MTNR1A: variants seen among roughly 807,000 people sequenced by gnomAD.
MTNR1A encodes melatonin receptor 1A, also known as melatonin receptor type 1A.
Under a neutral mutation model 5.5 loss-of-function variants are expected in MTNR1A, and 7 were observed. The ratio of observed to expected loss-of-function variants is 1.28; its 90% CI spans 0.73 to 2.40. The LOEUF is 2.40. Among genes scored for constraint, MTNR1A ranks in the 30% most tolerant of loss-of-function variants. MTNR1A has a pLI of 0.00. For missense variants in MTNR1A, 441 were observed against 464.4 expected (o/e 0.95, Z 0.46); for synonymous variants, 196 against 202.7 (o/e 0.97, Z 0.28).
intron 1 of MTNR1A, among the ~76,000 whole-genome samples, chr4:186,536,489 C>T (rs994939184): frequency 6.6e-6 from 1 of 152,164 alleles, no homozygotes; most frequent in Non-Finnish European, 1.5e-5. Flanking sequence ...CAGAAGATTT[C>T]GCCTTCTATT....
At chr4:186,552,253 T>A (rs1490629089) in intron 1 of MTNR1A, among the ~76,000 whole-genome samples, 3 of 152,200 alleles carry the variant, frequency 2.0e-5, no homozygotes, top group Non-Finnish European at 4.4e-5. Flanking sequence ...TGTGTCAATC[T>A]TCCTCCTAAT....
chr4:186,552,097 C>A (rs1247997288), intron 1 of MTNR1A, among the ~76,000 whole-genome samples: 1 of 152,194 alleles, frequency 6.6e-6, no homozygotes, highest in Non-Finnish European at 1.5e-5. Context: ...CACTGTGCTG[C>A]TTTCAGGAGC....
In MTNR1A at chr4:186,546,694, C is replaced by T. The variant is rs182941413; in HGVS notation, c.184+8488G>A. 9.4e-3 allele frequency among the ~76,000 whole-genome samples: 1,390 copies of T among 147,434 alleles called. 51 individuals are homozygous for T. Among genetic ancestry groups the T allele is most frequent in the African/African-American group, 0.035 (1,319 of 37,194 alleles). Reference sequence around the variant, plus strand: ...CCCTGTTCATGCCACCCACACCACACCTGTTCATACAACACACCATCCACA... The same window carrying T: ...CCCTGTTCATGCCACCCACACCACATCTGTTCATACAACACACCATCCACA... On this transcript the variant is annotated intron_variant, in intron 1 of 1. Transcript: ENST00000307161.
At chr4:186,550,744 C>G (rs1226999231) in intron 1 of MTNR1A, among the ~76,000 whole-genome samples, 2 of 152,128 alleles carry the variant, frequency 1.3e-5, no homozygotes, top group African/African-American at 4.8e-5. Context: ...AAAATTCCTG[C>G]CAGAAATACT....
In MTNR1A at chr4:186,533,916, G is replaced by A. The variant is rs1265773554; in HGVS notation, c.826C>T (p.Leu276=). ...ASMVPRIPEW[L]FVASYYMAYF... is the part of the protein sequence containing the mutation. Reference sequence around the variant, plus strand: ...GCCATGTAGTAACTGGCCACAAACAGCCACTCTGGGATCCTAGGCACCATG... The same window carrying A: ...GCCATGTAGTAACTGGCCACAAACAACCACTCTGGGATCCTAGGCACCATG... The change falls in exon 2 of 2, where the codon CTG becomes TTG. Residue 276 remains leucine, a synonymous_variant. Transcript: ENST00000307161. 2 of 1,614,050 alleles carry A rather than the reference G, an allele frequency of 1.2e-6. No individual in the cohort carries two copies. The highest frequency in any genetic ancestry group is 8.5e-7 in the Non-Finnish European group (1 of 1,180,052).
At chr4:186,542,040 C>T (rs1579250252) in intron 1 of MTNR1A, among the ~76,000 whole-genome samples, 1 of 152,214 alleles carries the variant, frequency 6.6e-6, no homozygotes, top group Admixed American at 6.5e-5. Flanking sequence ...AATGGGCTCA[C>T]AAAGTTGTCA....
At chr4:186,537,421 A>G (rs1736884238) in intron 1 of MTNR1A, among the ~76,000 whole-genome samples, 1 of 152,222 alleles carries the variant, frequency 6.6e-6, no homozygotes, top group South Asian at 2.1e-4. Flanking sequence ...TGGACAATCT[A>G]CCCATTTTTA....
intron 1 of MTNR1A, among the ~76,000 whole-genome samples, chr4:186,551,060 C>T (rs1226210531): frequency 6.6e-6 from 1 of 152,226 alleles, no homozygotes; most frequent in Non-Finnish European, 1.5e-5. Context: ...GCAGCGCCAA[C>T]AAGAAACCTC....
At chr4:186,553,226 T>A (rs1043741133) in intron 1 of MTNR1A, among the ~76,000 whole-genome samples, 6 of 152,236 alleles carry the variant, frequency 3.9e-5, no homozygotes, top group Non-Finnish European at 7.3e-5. Context: ...AAACTTATAT[T>A]TGAATCAGCT....
Position 186,534,157 on chromosome 4 carries a change from G to A in MTNR1A, c.585C>T (p.His195=), listed in dbSNP as rs1476137528. 5.0e-6 allele frequency: 8 copies of A among 1,613,464 alleles called. No individual in the cohort carries two copies. The highest frequency in any genetic ancestry group is 2.2e-5 in the East Asian group (1 of 44,882). The change falls in exon 2 of 2, where the codon CAC becomes CAT. Residue 195 remains histidine (H), a synonymous_variant. Transcript: ENST00000307161. ...SAYTIAVVVF[H]FLVPMIIVIF... ...TGACTATGATCATGGGGACGAGGAA[G>A]TGGAAAACCACCACGGCGATGGTGT... is the stretch of plus-strand genomic sequence containing the variant.
intron 1 of MTNR1A, among the ~76,000 whole-genome samples, chr4:186,547,430 A>G (rs1211981768): frequency 2.0e-5 from 3 of 151,386 alleles, no homozygotes; most frequent in Middle Eastern, 3.5e-3. Flanking sequence ...CATGGGACAC[A>G]CTGTCCTCCT....
At chr4:186,535,297 T>A (rs1358286479) in intron 1 of MTNR1A, among the ~76,000 whole-genome samples, 1 of 152,186 alleles carries the variant, frequency 6.6e-6, no homozygotes, top group Non-Finnish European at 1.5e-5. Context: ...AGAAATTCTC[T>A]TAGATCTTAT....
Position 186,534,180 on chromosome 4 carries a change from T to A in MTNR1A, c.562A>T (p.Thr188Ser), listed in dbSNP as rs1348976103. Residue 188 changes from threonine (T) to serine (S), a missense_variant, in exon 2 of 2, where the codon ACC becomes TCC. Physicochemically the swap from Thr to Ser is moderately conservative, Grantham distance 58. Transcript: ENST00000307161. Reference sequence around the variant, plus strand: ...AAGTGGAAAACCACCACGGCGATGGTGTAGGCGGAGCTGACGGACTGGGCG... The same window carrying A: ...AAGTGGAAAACCACCACGGCGATGGAGTAGGCGGAGCTGACGGACTGGGCG... ...TFAQSVSSAY[T>S]IAVVVFHFLV... 5 of 1,613,488 alleles carry A rather than the reference T, an allele frequency of 3.1e-6. No individual in the cohort carries two copies. Among genetic ancestry groups the A allele is most frequent in the Non-Finnish European group, 4.2e-6 (5 of 1,179,582 alleles).
intron 1 of MTNR1A, among the ~76,000 whole-genome samples, chr4:186,553,856 G>T (rs1468317364): frequency 6.6e-6 from 1 of 152,200 alleles, no homozygotes; most frequent in Admixed American, 6.5e-5. Flanking sequence ...CTTCCCAAAT[G>T]CTGCAGGTGT....
intron 1 of MTNR1A, among the ~76,000 whole-genome samples, chr4:186,535,054 C>A (rs537920945): frequency 1.3e-5 from 2 of 152,138 alleles, no homozygotes; most frequent in Admixed American, 1.3e-4. Context: ...TGTCGTCAGC[C>A]GTCTGGATGA....
chr4:186,542,055 A>C (rs1036465633), intron 1 of MTNR1A, among the ~76,000 whole-genome samples: 1 of 152,198 alleles, frequency 6.6e-6, no homozygotes, highest in Non-Finnish European at 1.5e-5. Flanking sequence ...TTGTCATGGC[A>C]GCAAGGATAG....
intron 1 of MTNR1A, among the ~76,000 whole-genome samples, chr4:186,538,895 T>C (rs930822059): frequency 3.3e-5 from 5 of 152,138 alleles, no homozygotes; most frequent in African/African-American, 1.2e-4. Flanking sequence ...ACACTGGTAG[T>C]CACGGCCTGC....
At chr4:186,540,876 TG>T (rs1737006151) in intron 1 of MTNR1A, among the ~76,000 whole-genome samples, 1 of 81,110 alleles carries the variant, frequency 1.2e-5, no homozygotes, top group African/African-American at 4.5e-5. Context: ...GCTGTCTGAC[TG>T]AAGGACCAGG....
chr4:186,538,991 G>A (rs185066960), intron 1 of MTNR1A, among the ~76,000 whole-genome samples: 238 of 152,114 alleles, frequency 1.6e-3, no homozygotes, highest in African/African-American at 5.2e-3. Flanking sequence ...AGGCCGAGGC[G>A]GGGGATCACG....
Sources: gnomAD v4.1 joint callset for allele counts (sites outside exome capture counted in the v4.1 genomes callset) on GRCh38, gnomAD v4.1.1 for gene constraint, MANE v1.5 for transcripts, NCBI Gene and HGNC (gene_info 2026-07-23, HGNC 2026-07-21) for gene names.